The following EYA2 variants were observed in gnomAD, a reference collection of about 807,000 sequenced individuals.
EYA2 encodes the protein EYA transcriptional coactivator and phosphatase 2, also known as protein phosphatase EYA2.
A neutral mutation model predicts 69.2 loss-of-function variants in EYA2; 31 were observed. The observed-to-expected ratio is 0.45, with a 90% CI of 0.34 to 0.60. The LOEUF is 0.60. Among genes scored for constraint, EYA2 ranks in the 20% least tolerant of loss-of-function variants. The probability of loss-of-function intolerance (pLI) is 0.02; values close to 1 mark genes in which losing one functional copy is unlikely to be tolerated. For synonymous variants in EYA2, 257 were observed against 279.4 expected (o/e 0.92, Z 0.80); for missense variants, 622 against 701.2 (o/e 0.89, Z 1.28).
At chr20:47,114,238 C>CTCTGGAAAAGG (rs2032831824) in intron 9 of EYA2, among the ~76,000 whole-genome samples, 1 of 152,234 alleles carries the variant, frequency 6.6e-6, no homozygotes, top group South Asian at 2.1e-4. Context: ...CACTAAAAGC[C>CTCTGGAAAAGG]TCTGGAAAAG....
intron 7 of EYA2, among the ~76,000 whole-genome samples, chr20:47,075,157 G>A (rs2031469425): frequency 6.6e-6 from 1 of 152,330 alleles, no homozygotes; most frequent in Non-Finnish European, 1.5e-5. Flanking sequence ...TTCGTGCTGA[G>A]CACATACCTG....
At chr20:46,923,424 A>G (rs1049865116) in intron 1 of EYA2, among the ~76,000 whole-genome samples, 6 of 152,224 alleles carry the variant, frequency 3.9e-5, no homozygotes, top group Non-Finnish European at 5.9e-5. Context: ...GGACAACTAA[A>G]TACAGTACCC....
At chr20:47,035,255 A>G (rs1219141519) in intron 5 of EYA2, among the ~76,000 whole-genome samples, 1 of 152,180 alleles carries the variant, frequency 6.6e-6, no homozygotes, top group African/African-American at 2.4e-5. Flanking sequence ...GCTGGCTTGT[A>G]TTAGTCTCAG....
At chr20:46,993,532 C>T (rs1442570389) in intron 2 of EYA2, among the ~76,000 whole-genome samples, 2 of 152,248 alleles carry the variant, frequency 1.3e-5, no homozygotes, top group African/African-American at 4.8e-5. Context: ...ACTGCCCCTT[C>T]CTTCATTCAT....
chr20:47,076,674 G>A (rs1030845955), intron 7 of EYA2, among the ~76,000 whole-genome samples: 1 of 152,166 alleles, frequency 6.6e-6, no homozygotes, highest in African/African-American at 2.4e-5. Context: ...AAAAGCAAAT[G>A]AACTTTTAGG....
intron 15 of EYA2, among the ~76,000 whole-genome samples, chr20:47,185,383 C>T (rs2034620186): frequency 7.0e-6 from 1 of 143,220 alleles, no homozygotes. Context: ...TCACTGCAAC[C>T]TCCACCTCCC....
chr20:46,980,319 A>G (rs1351937933), intron 1 of EYA2, among the ~76,000 whole-genome samples: 1 of 152,232 alleles, frequency 6.6e-6, no homozygotes, highest in East Asian at 1.9e-4. Context: ...ACTAAGCAAT[A>G]TAATTAGGGC....
chr20:46,959,657 CACACGCACG>C (rs1979349450), intron 1 of EYA2, among the ~76,000 whole-genome samples: 3 of 152,306 alleles, frequency 2.0e-5, no homozygotes, highest in African/African-American at 7.2e-5. Flanking sequence ...CACACGCACG[CACACGCACG>C]CACGTACTTT....
intron 1 of EYA2, among the ~76,000 whole-genome samples, chr20:46,956,771 A>G (rs1979149846): frequency 6.6e-6 from 1 of 152,258 alleles, no homozygotes; most frequent in Non-Finnish European, 1.5e-5. Flanking sequence ...CACGCTGCTA[A>G]TAAAGACATG....
At chr20:46,973,431 C>T (rs1980259710) in intron 1 of EYA2, among the ~76,000 whole-genome samples, 1 of 152,144 alleles carries the variant, frequency 6.6e-6, no homozygotes, top group South Asian at 2.1e-4. Flanking sequence ...TACAATCCAC[C>T]CTTACAAAGG....
At chr20:47,108,157 A>G (rs1389052774) in intron 9 of EYA2, among the ~76,000 whole-genome samples, 1 of 152,206 alleles carries the variant, frequency 6.6e-6, no homozygotes, top group East Asian at 1.9e-4. Flanking sequence ...ACAAAGTCTC[A>G]TGTTGAAATT....
chr20:47,076,957 A>G (rs1216068576), intron 7 of EYA2, among the ~76,000 whole-genome samples: 1 of 152,138 alleles, frequency 6.6e-6, no homozygotes, highest in Non-Finnish European at 1.5e-5. Context: ...CTTAGGTCAC[A>G]TGCTCATCCC....
At chr20:46,956,759 C>T (rs1013467633) in intron 1 of EYA2, among the ~76,000 whole-genome samples, 1 of 152,176 alleles carries the variant, frequency 6.6e-6, no homozygotes, top group African/African-American at 2.4e-5. Flanking sequence ...TTAGTCTGTT[C>T]TCACGCTGCT....
intron 5 of EYA2, chr20:47,071,940 T>C: frequency 1.9e-6 from 1 of 531,726 alleles, no homozygotes; most frequent in Admixed American, 3.0e-5. Context: ...CAGCAAGCAC[T>C]TGGAAGCACC....
chr20:46,924,144 G>T (rs1457970498), intron 1 of EYA2, among the ~76,000 whole-genome samples: 3 of 152,060 alleles, frequency 2.0e-5, no homozygotes, highest in Non-Finnish European at 4.4e-5. Context: ...TCCTTTTTAG[G>T]TATATTAATT....
At chr20:47,103,139 G>A (rs545542831) in intron 9 of EYA2, among the ~76,000 whole-genome samples, 16 of 152,020 alleles carry the variant, frequency 1.1e-4, no homozygotes, top group African/African-American at 3.6e-4. Flanking sequence ...TTACCCTTTC[G>A]ATGTGTACAA....
intron 8 of EYA2, among the ~76,000 whole-genome samples, chr20:47,090,235 T>TTC (rs1600701633): frequency 6.7e-6 from 1 of 150,048 alleles, no homozygotes; most frequent in East Asian, 2.0e-4. Context: ...CAATCTTTTT[T>TTC]TTTTTTTTTT....
At chr20:47,092,100 A>G (rs1361944693) in intron 8 of EYA2, among the ~76,000 whole-genome samples, 2 of 152,182 alleles carry the variant, frequency 1.3e-5, no homozygotes, top group African/African-American at 4.8e-5. Flanking sequence ...CAGCATGTTC[A>G]GGGCATTTGA....
In EYA2 at chr20:47,008,379, G is replaced by A. The variant is rs147089447; in HGVS notation, c.298+3295G>A. ...CTCTGGACCCCGAGCCCTCACCCAC[G>A]GGGCTCCGACGCCTGGCTGTGCATT... On this transcript the variant is annotated intron_variant, in intron 4 of 15. Transcript: ENST00000327619. 2.2e-4 allele frequency among the ~76,000 whole-genome samples: 33 copies of A among 152,294 alleles called. No individual in the cohort carries two copies. The East Asian group carries it at 5.6e-3, about 26-fold the overall frequency.
Sources: allele counts gnomAD v4.1 joint callset (sites outside exome capture counted in the v4.1 genomes callset), GRCh38; gene constraint gnomAD v4.1.1; transcripts MANE v1.5; gene names NCBI Gene and HGNC (gene_info 2026-07-23, HGNC 2026-07-21).